TMEM238: variants seen among roughly 807,000 people sequenced by gnomAD.
The protein encoded by TMEM238 is transmembrane protein 238.
For missense variants in TMEM238, 169 were observed against 206.8 expected (o/e 0.82, Z 1.12); for synonymous variants, 103 against 111.5 (o/e 0.92, Z 0.48).
intron 1 of TMEM238, among the ~76,000 whole-genome samples, chr19:55,382,235 C>T (rs112083646): frequency 0.032 from 4,824 of 152,180 alleles, 268 homozygotes; most frequent in African/African-American, 0.11. Flanking sequence ...TCCATCCATC[C>T]ACCCATCCAT....
At chr19:55,379,728 C>T (rs568503229) in intron 1 of TMEM238, among the ~76,000 whole-genome samples, 1 of 152,214 alleles carries the variant, frequency 6.6e-6, no homozygotes, top group African/African-American at 2.4e-5. Flanking sequence ...CAGGCAGACA[C>T]AGTGAAGACA....
At chr19:55,381,126 A>G (rs2089885021) in intron 1 of TMEM238, among the ~76,000 whole-genome samples, 1 of 152,066 alleles carries the variant, frequency 6.6e-6, no homozygotes, top group Admixed American at 6.5e-5. Context: ...CATAGGAGAA[A>G]AGTTAATTCC....
intron 1 of TMEM238, among the ~76,000 whole-genome samples, chr19:55,381,412 C>T (rs1471273512): frequency 1.7e-5 from 2 of 115,630 alleles, no homozygotes; most frequent in Non-Finnish European, 3.4e-5. Flanking sequence ...GAGTGTAACT[C>T]CATCTCAAAA....
intron 1 of TMEM238, among the ~76,000 whole-genome samples, 197 bp from the exon 2 acceptor site, chr19:55,379,564 C>A (rs1443077436): frequency 2.0e-5 from 3 of 152,126 alleles, no homozygotes; most frequent in African/African-American, 7.2e-5. Flanking sequence ...CTTTAACGCC[C>A]TGAAATCCAA....
At chr19:55,380,985 C>T (rs948670954) in intron 1 of TMEM238, among the ~76,000 whole-genome samples, 5 of 152,202 alleles carry the variant, frequency 3.3e-5, no homozygotes, top group African/African-American at 1.2e-4. Flanking sequence ...TTACGCTTCA[C>T]CCGTGCAAGC....
Position 55,384,007 on chromosome 19 carries a change from C to A in TMEM238, c.253G>T (p.Gly85Cys). 6.8e-7 allele frequency: 1 copy of A among 1,471,556 alleles called. No homozygotes were observed. 91.2% of individuals were successfully genotyped at this position (1,471,556 alleles called of 1,614,324 possible). A position where few individuals can be genotyped will look rare whatever the true frequency, so the allele number is the denominator to read the frequency against. ...GALLVFLSLLGWILWYTGNIE... is the reference protein window; with the variant it reads ...GALLVFLSLLCWILWYTGNIE... ...TTGCCGGTGTACCAGAGGATCCAGC[C>A]CAGCAGGCTCAGGAACACCAGCAGC... Residue 85 changes from glycine (G) to cysteine (C), a missense_variant, in exon 1 of 2, where the codon GGC becomes TGC. Physicochemically the swap from Gly to Cys is radical, Grantham distance 159. Transcript: ENST00000444469. This position sits in a 1 kb window ranked among gnomAD's most constrained non-coding sequence, Gnocchi z 5.6.
intron 1 of TMEM238, among the ~76,000 whole-genome samples, chr19:55,382,272 G>C (rs1259227019): frequency 6.6e-6 from 1 of 151,884 alleles, no homozygotes; most frequent in African/African-American, 2.4e-5. Context: ...CCAGCCATCC[G>C]TTCTTCCATC....
At chr19:55,381,698 C>T (rs957156389) in intron 1 of TMEM238, among the ~76,000 whole-genome samples, 1 of 152,074 alleles carries the variant, frequency 6.6e-6, no homozygotes, top group South Asian at 2.1e-4. Context: ...ATGGACCAGC[C>T]GAGGCCCCTG....
Position 55,384,049 on chromosome 19 carries a change from GC to G in TMEM238, c.210del (p.Leu71SerfsTer11). ...LQVRGRDFGD[L>X]LIYSGALLVF... ...ACCAGCAGCGCGCCCGAGTAGATGA[GC>G]AGGTCCCCGAAGTCGCGGCCGCGCA... On this transcript the variant is annotated frameshift_variant, in exon 1 of 2. Coordinates refer to ENST00000444469, the MANE Select transcript of TMEM238 (RefSeq NM_001190764.2). LOFTEE classifies it low-confidence loss of function (END_TRUNC). This position sits in a 1 kb window ranked among gnomAD's most constrained non-coding sequence, Gnocchi z 5.6. The G allele has an allele frequency of 6.7e-7, 1 of 1,483,492 alleles. No individual in the cohort carries two copies. Among genetic ancestry groups the G allele is most frequent in the Non-Finnish European group, 9.0e-7 (1 of 1,115,014 alleles). The allele number at this position is 1,483,492 out of a possible 1,614,324, so 91.9% of individuals were successfully genotyped here. A position where few individuals can be genotyped will look rare whatever the true frequency, so the allele number is the denominator to read the frequency against.
At chr19:55,379,562 C>G (rs760406644) in intron 1 of TMEM238, among the ~76,000 whole-genome samples, 195 bp from the exon 2 acceptor site, 4 of 152,104 alleles carry the variant, frequency 2.6e-5, no homozygotes, top group Non-Finnish European at 5.9e-5. Flanking sequence ...ACCTTTAACG[C>G]CCTGAAATCC....
At chr19:55,379,972 A>C (rs2089878519) in intron 1 of TMEM238, among the ~76,000 whole-genome samples, 1 of 151,074 alleles carries the variant, frequency 6.6e-6, no homozygotes, top group Admixed American at 6.6e-5. Flanking sequence ...TCCAGCCTGA[A>C]CAACAGAGTG....
At chr19:55,380,735 T>A (rs553372813) in intron 1 of TMEM238, among the ~76,000 whole-genome samples, 183 of 142,464 alleles carry the variant, frequency 1.3e-3, no homozygotes, top group African/African-American at 4.5e-3. Context: ...TCATAAAGGA[T>A]GTTCTTTTCT....
At chr19:55,382,684 G>A (rs1002692347) in intron 1 of TMEM238, among the ~76,000 whole-genome samples, 5 of 152,186 alleles carry the variant, frequency 3.3e-5, no homozygotes, top group East Asian at 1.9e-4. Flanking sequence ...GCCAGTGAGT[G>A]CTTCAGTTTA....
At position 55,383,734 on chromosome 19, in the gene TMEM238, C is replaced by G. The variant is rs2089895240; in HGVS notation, c.526G>C (p.Glu176Gln). The G allele has an allele frequency of 7.9e-6, 2 of 253,400 alleles. No homozygotes were observed. Among genetic ancestry groups the G allele is most frequent in the South Asian group, 1.6e-4 (1 of 6,406 alleles). The allele number at this position is 253,400 out of a possible 1,614,324, so 15.7% of individuals were successfully genotyped here. A position where few individuals can be genotyped will look rare whatever the true frequency, so the allele number is the denominator to read the frequency against. Reference protein sequence around the residue: ...AGPGAAGAGSE With the variant: ...AGPGAAGAGSQ The stretch of plus-strand genomic sequence containing the variant: ...GCCCGCCCCTCACCTGGGCCTCACT[C>G]GCTGCCCGCGCCCGCCGCCCCGGGC... Residue 176 changes from glutamate to glutamine, a missense_variant, in exon 1 of 2, where the codon GAG becomes CAG. Coordinates refer to ENST00000444469, the MANE Select transcript of TMEM238 (RefSeq NM_001190764.2). This position sits in a 1 kb window ranked among gnomAD's most constrained non-coding sequence, Gnocchi z 4.9.
In TMEM238 at chr19:55,384,157, G is replaced by A. The variant is rs1162472458; in HGVS notation, c.103C>T (p.Arg35Trp). 6 of 1,370,076 alleles carry A rather than the reference G, an allele frequency of 4.4e-6. No homozygotes were observed. Among genetic ancestry groups the A allele is most frequent in the South Asian group, 1.4e-5 (1 of 70,794 alleles). 84.9% of individuals were successfully genotyped at this position (1,370,076 alleles called of 1,614,324 possible). A position where few individuals can be genotyped will look rare whatever the true frequency, so the allele number is the denominator to read the frequency against. Residue 35 changes from arginine to tryptophan, a missense_variant, in exon 1 of 2, where the codon CGG becomes TGG. Transcript: ENST00000444469. This position sits in a 1 kb window ranked among gnomAD's most constrained non-coding sequence, Gnocchi z 5.6. ...GCCACGGCCAGCAGCAGCGCCATCCGGCAGCGGCCCAGGCCGGCCGCGGGT... is the reference window on the plus strand; with the variant it reads ...GCCACGGCCAGCAGCAGCGCCATCCAGCAGCGGCCCAGGCCGGCCGCGGGT... ...PAPAAGLGRC[R>W]MALLLAVALD... is the part of the protein sequence containing the mutation.
chr19:55,381,896 CA>C (rs2089888425), intron 1 of TMEM238, among the ~76,000 whole-genome samples: 2 of 152,164 alleles, frequency 1.3e-5, no homozygotes, highest in South Asian at 4.1e-4. Context: ...GCTCCCTCTC[CA>C]ACCATATCCA....
chr19:55,381,252 C>T (rs1423586011), intron 1 of TMEM238, among the ~76,000 whole-genome samples: 1 of 151,580 alleles, frequency 6.6e-6, no homozygotes, highest in Non-Finnish European at 1.5e-5. Flanking sequence ...AACCCCGTCT[C>T]TACTAAAAAT....
intron 1 of TMEM238, among the ~76,000 whole-genome samples, chr19:55,381,056 G>A (rs1285735732): frequency 6.6e-6 from 1 of 152,150 alleles, no homozygotes; most frequent in Non-Finnish European, 1.5e-5. Flanking sequence ...GCATATGATT[G>A]GGGTGACTAT....
chr19:55,384,009 A>G lies in TMEM238; in HGVS notation c.251T>C (p.Leu84Pro). ...GCCGGTGTACCAGAGGATCCAGCCC[A>G]GCAGGCTCAGGAACACCAGCAGCGC... Reference protein sequence around the residue: ...SGALLVFLSLLGWILWYTGNI... With the variant: ...SGALLVFLSLPGWILWYTGNI... Residue 84 changes from leucine to proline, a missense_variant, in exon 1 of 2, where the codon CTG becomes CCG. By Grantham distance (98) the Leu-to-Pro change is moderately conservative. Transcript: ENST00000444469. The surrounding 1 kb of genome is among the most constrained non-coding windows in gnomAD (Gnocchi z 5.6). The G allele has an allele frequency of 6.8e-7, 1 of 1,471,796 alleles. No individual in the cohort carries two copies. Among genetic ancestry groups the G allele is most frequent in the Non-Finnish European group, 9.0e-7 (1 of 1,108,580 alleles). The allele number at this position is 1,471,796 out of a possible 1,614,324, so 91.2% of individuals were successfully genotyped here.
Sources: allele counts gnomAD v4.1 joint callset (sites outside exome capture counted in the v4.1 genomes callset), GRCh38; gene constraint gnomAD v4.1.1; non-coding constraint Gnocchi (gnomAD v3.1); transcripts MANE v1.5; gene names NCBI Gene and HGNC (gene_info 2026-07-23, HGNC 2026-07-21).